Variants in ADORA2A observed in about 807,000 individuals in gnomAD.
ADORA2A encodes adenosine A2a receptor.
ADORA2A carries 11 observed loss-of-function variants against 18.4 expected under a neutral mutation model. That is an observed-to-expected ratio of 0.60 (90% CI 0.38 to 0.99). The LOEUF is 0.99. ADORA2A is among the 50% of genes least tolerant of loss of function. The pLI is 0.01. For missense variants in ADORA2A, 449 were observed against 556.1 expected (o/e 0.81, Z 1.94); for synonymous variants, 218 against 237.3 (o/e 0.92, Z 0.75).
At chr22:24,431,654 A>C (rs5996696) in intron 1 of ADORA2A, 30,828 of 380,228 alleles carry the variant, frequency 0.081, 3,097 homozygotes, top group African/African-American at 0.31. Context: ...GGCGGCTGGC[A>C]ACACACTCAT....
At chr22:24,437,625 C>A (rs898978183) in intron 2 of ADORA2A, among the ~76,000 whole-genome samples, 1 of 151,662 alleles carries the variant, frequency 6.6e-6, no homozygotes, top group Admixed American at 6.5e-5. Context: ...GTCCTCCATA[C>A]CCCCTGTCCC....
At chr22:24,439,323 A>G (rs1170643027) in intron 2 of ADORA2A, 1 of 151,610 alleles carries the variant, frequency 6.6e-6, no homozygotes, top group East Asian at 1.9e-4. Context: ...GGCCTCCCAA[A>G]GTGCTGGGAT....
At chr22:24,437,696 A>T (rs565114779) in intron 2 of ADORA2A, among the ~76,000 whole-genome samples, 1 of 152,240 alleles carries the variant, frequency 6.6e-6, no homozygotes, top group Non-Finnish European at 1.5e-5. Context: ...TATTCTTTGC[A>T]TATATAAGCA....
At chr22:24,429,713 T>C (rs1052685006) in intron 1 of ADORA2A, 1 of 152,438 alleles carries the variant, frequency 6.6e-6, no homozygotes, top group Non-Finnish European at 1.5e-5. Context: ...GGGCCTCAGT[T>C]TCCTCATCTG....
chr22:24,437,521 T>G (rs554402814), intron 2 of ADORA2A, among the ~76,000 whole-genome samples: 3 of 152,188 alleles, frequency 2.0e-5, no homozygotes, highest in East Asian at 1.9e-4. Context: ...TTGAATAAAC[T>G]TAGTCTATTT....
chr22:24,425,980 C>T (rs1044779535), upstream of ADORA2A, among the ~76,000 whole-genome samples: 2 of 152,150 alleles, frequency 1.3e-5, no homozygotes, highest in African/African-American at 2.4e-5. Flanking sequence ...GAGCGGGGAA[C>T]CCGGGAGGGA....
At chr22:24,438,423 A>C (rs779915242) in intron 2 of ADORA2A, 3 of 152,254 alleles carry the variant, frequency 2.0e-5, no homozygotes, top group Non-Finnish European at 2.9e-5. Context: ...AGTGTCCGGC[A>C]CAGAGTCAGT....
chr22:24,437,687 A>T (rs1233664943), intron 2 of ADORA2A, among the ~76,000 whole-genome samples: 1 of 152,230 alleles, frequency 6.6e-6, no homozygotes, highest in African/African-American at 2.4e-5. Context: ...TTCCAGAGAT[A>T]TTCTTTGCAT....
At chr22:24,430,927 G>C (rs1045014211) in intron 1 of ADORA2A, 14 of 358,390 alleles carry the variant, frequency 3.9e-5, no homozygotes, top group South Asian at 8.3e-5. Flanking sequence ...GCTGGGCCTG[G>C]GAGTCCACCT....
rs1284920925 is a variant in ADORA2A at position 24,441,171 on chromosome 22, C to T, written c.921C>T (p.Val307=). The T allele has an allele frequency of 5.0e-6, 8 of 1,614,226 alleles. No homozygotes were observed. The South Asian group carries it at 8.8e-5, about 18-fold the overall frequency. Residue 307 remains valine, a synonymous_variant, in exon 3 of 3, where the codon GTC becomes GTT. Coordinates refer to ENST00000337539, the MANE Select transcript of ADORA2A (RefSeq NM_000675.6). ...QTFRKIIRSH[V]LRQQEPFKAA... ...TCCGCAAGATCATTCGCAGCCACGT[C>T]CTGAGGCAGCAAGAACCTTTCAAGG...
At chr22:24,440,043 G>C (rs2043296664) in intron 2 of ADORA2A, among the ~76,000 whole-genome samples, 1 of 152,058 alleles carries the variant, frequency 6.6e-6, no homozygotes, top group African/African-American at 2.4e-5. Flanking sequence ...TGGAGTACAA[G>C]AGGCCTAGAT....
At chr22:24,436,004 T>C (rs952948458) in intron 2 of ADORA2A, among the ~76,000 whole-genome samples, 2 of 152,210 alleles carry the variant, frequency 1.3e-5, no homozygotes, top group African/African-American at 4.8e-5. Flanking sequence ...TTGGCCTGCA[T>C]TGTGGCCAGG....
At position 24,441,030 on chromosome 22, in the gene ADORA2A, C is replaced by T. The variant is rs141377465; in HGVS notation, c.780C>T (p.Pro260=). Residue 260 remains proline (P), a synonymous_variant, in exon 3 of 3, where the codon CCC becomes CCT. Transcript: ENST00000337539. ...HIINCFTFFC[P]DCSHAPLWLM... is the part of the protein sequence containing the mutation. ...TCAACTGCTTCACTTTCTTCTGCCC[C>T]GACTGCAGCCACGCCCCTCTCTGGC... 1.3e-4 allele frequency: 211 copies of T among 1,614,128 alleles called. No homozygotes were observed. The African/African-American group carries it at 2.0e-3, about 15-fold the overall frequency.
intron 2 of ADORA2A, among the ~76,000 whole-genome samples, chr22:24,439,116 G>T: frequency 9.8e-6 from 1 of 101,670 alleles, no homozygotes; most frequent in Admixed American, 1.5e-4. Flanking sequence ...ACTGAGTCTT[G>T]CTCTGTCTCC....
At chr22:24,428,351 C>A (rs1311171363) in intron 1 of ADORA2A, among the ~76,000 whole-genome samples, 2 of 152,224 alleles carry the variant, frequency 1.3e-5, no homozygotes, top group African/African-American at 2.4e-5. Flanking sequence ...CTCTTCATGG[C>A]GTTTCTGGGA....
At chr22:24,436,112 C>G (rs1423689685) in intron 2 of ADORA2A, among the ~76,000 whole-genome samples, 1 of 152,256 alleles carries the variant, frequency 6.6e-6, no homozygotes, top group African/African-American at 2.4e-5. Flanking sequence ...CTCCAGGGCC[C>G]TTCAGGCTGT....
intron 2 of ADORA2A, among the ~76,000 whole-genome samples, chr22:24,436,902 G>A (rs1000360483): frequency 1.3e-5 from 2 of 152,196 alleles, no homozygotes; most frequent in Non-Finnish European, 2.9e-5. Flanking sequence ...CACTGGGTAG[G>A]GAAGGGTGGC....
intron 2 of ADORA2A, 35 bp downstream of exon 2, chr22:24,433,771 TG>T: frequency 6.3e-7 from 1 of 1,576,800 alleles, no homozygotes; most frequent in Non-Finnish European, 8.6e-7. Flanking sequence ...GTGCAAAGGC[TG>T]TTGGTGCCCA....
chr22:24,427,080 G>A (rs2042926238), upstream of ADORA2A, among the ~76,000 whole-genome samples: 1 of 152,184 alleles, frequency 6.6e-6, no homozygotes, highest in Non-Finnish European at 1.5e-5. Context: ...GCAGAGGGAG[G>A]CCGATGGTGC....
Sources: allele counts gnomAD v4.1 joint callset (sites outside exome capture counted in the v4.1 genomes callset), GRCh38; gene constraint gnomAD v4.1.1; transcripts MANE v1.5; gene names NCBI Gene and HGNC (gene_info 2026-07-23, HGNC 2026-07-21).